PAK1: variants seen among roughly 807,000 people sequenced by gnomAD.
PAK1 encodes serine/threonine-protein kinase PAK 1.
A neutral mutation model predicts 67.4 loss-of-function variants in PAK1; 29 were observed. The observed-to-expected ratio is 0.43, with a 90% CI of 0.32 to 0.59. PAK1 has a LOEUF of 0.59. PAK1 is among the 20% of genes least tolerant of loss of function. The pLI is 0.07. For missense variants in PAK1, 337 were observed against 670.7 expected, an observed-to-expected ratio of 0.50 and a Z score of 5.50; for synonymous variants, 223 against 237.4, an observed-to-expected ratio of 0.94 and a Z score of 0.56.
chr11:77,495,945 A>G, the PAK1 span, among the ~76,000 whole-genome samples: 1 of 152,026 alleles, frequency 6.6e-6, no homozygotes, highest in African/African-American at 2.4e-5. Flanking sequence ...TGCAAGGTGG[A>G]AAGTATTCTG....
chr11:77,359,953 T>C (rs1467352789), intron 5 of PAK1, among the ~76,000 whole-genome samples: 1 of 152,180 alleles, frequency 6.6e-6, no homozygotes, highest in African/African-American at 2.4e-5. Flanking sequence ...TCAGAGCACC[T>C]ACTTTGTGCT....
chr11:77,525,302 C>G, the PAK1 span, among the ~76,000 whole-genome samples: 3 of 151,584 alleles, frequency 2.0e-5, no homozygotes, highest in Admixed American at 6.6e-5. Flanking sequence ...TGTACTCCAG[C>G]CTGGGTGACA....
At chr11:77,526,326 G>C in the PAK1 span, among the ~76,000 whole-genome samples, 1 of 152,134 alleles carries the variant, frequency 6.6e-6, no homozygotes, top group Non-Finnish European at 1.5e-5. Context: ...ACCAAATAAC[G>C]TGTGGAGGGA....
At chr11:77,404,098 C>CT (rs1953104097) in intron 1 of PAK1, among the ~76,000 whole-genome samples, 1 of 152,154 alleles carries the variant, frequency 6.6e-6, no homozygotes, top group Non-Finnish European at 1.5e-5. Flanking sequence ...AGCTCTAGAA[C>CT]TTTAAGAAAT....
At chr11:77,325,499 C>T in intron 14 of PAK1, 2 of 987,680 alleles carry the variant, frequency 2.0e-6, no homozygotes, top group Non-Finnish European at 1.4e-6. Context: ...TTCAATATAA[C>T]CCATTTATTA....
the PAK1 span, among the ~76,000 whole-genome samples, chr11:77,495,177 T>C: frequency 6.9e-6 from 1 of 144,602 alleles, no homozygotes; most frequent in Non-Finnish European, 1.5e-5. Context: ...AAAAAAAATT[T>C]TTTTTTAAAT....
chr11:77,431,220 T>G (rs1268327503), intron 1 of PAK1, among the ~76,000 whole-genome samples: 2 of 152,202 alleles, frequency 1.3e-5, no homozygotes, highest in African/African-American at 2.4e-5. Flanking sequence ...TCTGCATTAT[T>G]TTACAACATT....
In PAK1 at chr11:77,414,031, T is replaced by C. The variant is rs116024956; in HGVS notation, c.-21-21490A>G. ...ACATGCAGGAATGAGGAGCTCACTT[T>C]CCACCAGCACTATGAGGCAGTGTTT... On this transcript the variant is annotated intron_variant, in intron 1 of 14. Transcript: ENST00000356341. 4.5e-3 allele frequency among the ~76,000 whole-genome samples: 682 copies of C among 152,326 alleles called. 6 individuals carry two copies. Among genetic ancestry groups the C allele is most frequent in the African/African-American group, 0.016 (649 of 41,564 alleles).
At chr11:77,504,841 C>T in the PAK1 span, among the ~76,000 whole-genome samples, 1 of 152,184 alleles carries the variant, frequency 6.6e-6, no homozygotes, top group Non-Finnish European at 1.5e-5. Context: ...GAGTGCTCAC[C>T]ATTATCCAGA....
chr11:77,443,504 A>T (rs2138468662), intron 1 of PAK1, among the ~76,000 whole-genome samples: 1 of 152,234 alleles, frequency 6.6e-6, no homozygotes, highest in South Asian at 2.1e-4. Flanking sequence ...TCATAATAAC[A>T]AGAAGCCATA....
chr11:77,501,544 C>T, the PAK1 span, among the ~76,000 whole-genome samples: 1 of 152,188 alleles, frequency 6.6e-6, no homozygotes, highest in African/African-American at 2.4e-5. Flanking sequence ...CTGATCCCAC[C>T]CTGTTCCAGT....
chr11:77,461,034 A>C (rs1019794391), intron 1 of PAK1, among the ~76,000 whole-genome samples: 8 of 152,220 alleles, frequency 5.3e-5, no homozygotes, highest in African/African-American at 1.4e-4. Flanking sequence ...CAATTCCTGA[A>C]GAAATCATCA....
chr11:77,344,955 A>G (rs1944181627), intron 9 of PAK1, among the ~76,000 whole-genome samples: 1 of 152,122 alleles, frequency 6.6e-6, no homozygotes, highest in African/African-American at 2.4e-5. Context: ...CCTGGTATCT[A>G]GTCCCCCTTC....
chr11:77,448,190 T>G (rs908530364), intron 1 of PAK1, among the ~76,000 whole-genome samples: 3 of 152,186 alleles, frequency 2.0e-5, no homozygotes, highest in African/African-American at 7.2e-5. Flanking sequence ...TTACCTCATA[T>G]GTAAAATGGG....
intron 1 of PAK1, among the ~76,000 whole-genome samples, chr11:77,471,623 C>T (rs57692537): frequency 0.029 from 4,401 of 152,224 alleles, 199 homozygotes; most frequent in African/African-American, 0.099. Context: ...AGGGGAGCCA[C>T]AGAAAGTGAG....
intron 1 of PAK1, among the ~76,000 whole-genome samples, chr11:77,413,007 A>G (rs1219978819): frequency 2.6e-5 from 4 of 152,182 alleles, no homozygotes; most frequent in Admixed American, 2.6e-4. Flanking sequence ...AAACAATAAA[A>G]CACACCTTCA....
At chr11:77,471,251 G>A (rs892598611) in intron 1 of PAK1, among the ~76,000 whole-genome samples, 2 of 152,200 alleles carry the variant, frequency 1.3e-5, no homozygotes, top group Non-Finnish European at 2.9e-5. Context: ...AGAAAAACGG[G>A]ACAGCAGGAG....
At chr11:77,523,483 G>A in the PAK1 span, among the ~76,000 whole-genome samples, 2 of 149,970 alleles carry the variant, frequency 1.3e-5, no homozygotes, top group Admixed American at 6.7e-5. Flanking sequence ...GCAGTGACGC[G>A]ATCTCAGCTC....
intron 1 of PAK1, among the ~76,000 whole-genome samples, chr11:77,464,716 T>G (rs982046318): frequency 6.6e-6 from 1 of 152,214 alleles, no homozygotes; most frequent in African/African-American, 2.4e-5. Context: ...CCAAACATCG[T>G]AGCTCAGCCT....
Sources: allele counts gnomAD v4.1 joint callset (sites outside exome capture counted in the v4.1 genomes callset), GRCh38; gene constraint gnomAD v4.1.1; transcripts MANE v1.5; gene names NCBI Gene and HGNC (gene_info 2026-07-23, HGNC 2026-07-21).